VCF2: variants seen among roughly 807,000 people sequenced by gnomAD.
The protein encoded by VCF2 is VCP nuclear cofactor family member 2.
the VCF2 span, chrX:55,143,870 G>A: frequency 2.5e-6 from 3 of 1,184,467 alleles, no homozygotes; most frequent in Non-Finnish European, 3.4e-6. Flanking sequence ...AACAGGTTTA[G>A]ACAATCTGCA....
the VCF2 span, among the ~76,000 whole-genome samples, chrX:55,150,417 C>T: frequency 1.8e-5 from 2 of 111,148 alleles, no homozygotes; most frequent in African/African-American, 6.6e-5. Flanking sequence ...ACAGAGTTTG[C>T]GCTCCTATGA....
the VCF2 span, among the ~76,000 whole-genome samples, chrX:55,157,463 G>C: frequency 8.9e-6 from 1 of 111,855 alleles, no homozygotes; most frequent in South Asian, 3.7e-4. Flanking sequence ...AACCCGGGAG[G>C]TGGGGGTGCA....
At chrX:55,147,789 A>G in the VCF2 span, among the ~76,000 whole-genome samples, 1 of 110,012 alleles carries the variant, frequency 9.1e-6, no homozygotes, top group Non-Finnish European at 1.9e-5. Context: ...TGCTGTGTAC[A>G]TTAAAAATTC....
the VCF2 span, among the ~76,000 whole-genome samples, chrX:55,155,037 G>A: frequency 8.9e-6 from 1 of 111,775 alleles, no homozygotes; most frequent in Non-Finnish European, 1.9e-5. Context: ...TCTGAGCTAG[G>A]CCTTCAAAGA....
the VCF2 span, chrX:55,145,289 AC>A: frequency 5.8e-5 from 42 of 721,368 alleles, no homozygotes; most frequent in African/African-American, 9.6e-4. Context: ...TAATGTGCTA[AC>A]GTAATAAATT....
chrX:55,153,137 TA>T, the VCF2 span, among the ~76,000 whole-genome samples: 1 of 111,460 alleles, frequency 9.0e-6, no homozygotes, highest in Non-Finnish European at 1.9e-5. Flanking sequence ...CTAAAATGTA[TA>T]AAAGCAAGCT....
the VCF2 span, among the ~76,000 whole-genome samples, chrX:55,149,353 T>C: frequency 9.0e-6 from 1 of 111,637 alleles, no homozygotes; most frequent in Non-Finnish European, 1.9e-5. Flanking sequence ...TTAAAGTCCT[T>C]GTGCCTTTAA....
chrX:55,150,121 T>C, the VCF2 span, among the ~76,000 whole-genome samples: 12 of 112,307 alleles, frequency 1.1e-4, no homozygotes, highest in East Asian at 3.3e-3. Flanking sequence ...ACAAGAAGTA[T>C]TGTCAAATAT....
the VCF2 span, among the ~76,000 whole-genome samples, chrX:55,147,151 G>A: frequency 8.9e-6 from 1 of 111,768 alleles, no homozygotes; most frequent in Non-Finnish European, 1.9e-5. Flanking sequence ...GTAATGGCAA[G>A]GACTCTTATT....
chrX:55,143,859 A>G, the VCF2 span: 1 of 1,200,747 alleles, frequency 8.3e-7, no homozygotes, highest in Admixed American at 2.2e-5. Context: ...TTTATGACAT[A>G]AACAGGTTTA....
At chrX:55,149,071 ACT>A in the VCF2 span, among the ~76,000 whole-genome samples, 2 of 110,952 alleles carry the variant, frequency 1.8e-5, no homozygotes, top group African/African-American at 6.5e-5. Context: ...CCCAGGAAAC[ACT>A]CTGCCTATGT....
At chrX:55,150,972 T>C in the VCF2 span, among the ~76,000 whole-genome samples, 1,250 of 112,579 alleles carry the variant, frequency 0.011, 13 homozygotes, top group African/African-American at 0.038. Flanking sequence ...TAACATTGTT[T>C]CTTTTTCTAA....
the VCF2 span, among the ~76,000 whole-genome samples, chrX:55,156,169 G>C: frequency 4.5e-5 from 5 of 110,935 alleles, no homozygotes; most frequent in East Asian, 1.4e-3. Flanking sequence ...GGCCAGGCTA[G>C]TCTTGAACTC....
the VCF2 span, among the ~76,000 whole-genome samples, chrX:55,152,545 T>C: frequency 8.9e-6 from 1 of 112,023 alleles, no homozygotes; most frequent in East Asian, 2.8e-4. Flanking sequence ...TCTTAAATGC[T>C]TTCTCCAAAA....
At chrX:55,159,886 G>A in the VCF2 span, among the ~76,000 whole-genome samples, 1 of 112,156 alleles carries the variant, frequency 8.9e-6, no homozygotes, top group Non-Finnish European at 1.9e-5. Flanking sequence ...AGATTGCAGC[G>A]TTTGACATAG....
the VCF2 span, chrX:55,160,919 G>A: frequency 8.6e-7 from 1 of 1,162,160 alleles, no homozygotes; most frequent in Non-Finnish European, 1.1e-6. Context: ...TTTTTTTCAA[G>A]CACGAAGGGC....
At chrX:55,154,837 G>A in the VCF2 span, among the ~76,000 whole-genome samples, 25 of 112,303 alleles carry the variant, frequency 2.2e-4, no homozygotes, top group South Asian at 6.9e-3. Flanking sequence ...ACAAATATTC[G>A]CATGTCTATT....
At chrX:55,158,773 G>T in the VCF2 span, among the ~76,000 whole-genome samples, 2 of 111,361 alleles carry the variant, frequency 1.8e-5, no homozygotes, top group Non-Finnish European at 3.8e-5. Context: ...TTTTTTCACT[G>T]AGAAAGCAAG....
At chrX:55,149,149 G>C in the VCF2 span, among the ~76,000 whole-genome samples, 14 of 109,082 alleles carry the variant, frequency 1.3e-4, no homozygotes, top group African/African-American at 4.3e-4. Context: ...ACTTTCCATA[G>C]GGAATATCAA....
Sources: allele counts gnomAD v4.1 joint callset (sites outside exome capture counted in the v4.1 genomes callset), GRCh38; gene constraint gnomAD v4.1.1; transcripts MANE v1.5; gene names NCBI Gene and HGNC (gene_info 2026-07-23, HGNC 2026-07-21).